ACTR3C: variants seen among roughly 807,000 people sequenced by gnomAD.
ACTR3C encodes the protein actin-related protein 3C.
In ACTR3C, 18 loss-of-function variants were observed where a neutral mutation model predicts 26.3. The ratio of observed to expected loss-of-function variants is 0.68; its 90% CI spans 0.47 to 1.01. The LOEUF (loss-of-function observed/expected upper bound fraction) is 1.01. ACTR3C is among the 50% of genes least tolerant of loss of function. The probability of loss-of-function intolerance (pLI) is 0.00; values close to 1 mark genes in which losing one functional copy is unlikely to be tolerated. For missense variants in ACTR3C, 184 were observed against 250.7 expected, an observed-to-expected ratio of 0.73 and a Z score of 1.80; for synonymous variants, 55 against 94.5, an observed-to-expected ratio of 0.58 and a Z score of 2.42.
intron 1 of ACTR3C, among the ~76,000 whole-genome samples, chr7:150,313,975 G>C (rs527375643): frequency 1.2e-4 from 19 of 152,324 alleles, no homozygotes; most frequent in Middle Eastern, 3.4e-3. Flanking sequence ...TGAACAACTC[G>C]AGGCAGAGGC....
At chr7:150,081,368 G>T in the ACTR3C span, among the ~76,000 whole-genome samples, 2 of 151,586 alleles carry the variant, frequency 1.3e-5, no homozygotes, top group Admixed American at 6.6e-5. Context: ...ATTTGACAGA[G>T]GTGGAAGGGA....
the ACTR3C span, among the ~76,000 whole-genome samples, chr7:149,885,893 C>T: frequency 6.6e-6 from 1 of 152,272 alleles, no homozygotes; most frequent in African/African-American, 2.4e-5. Context: ...CTTAGCAGCT[C>T]AGCTCAGCTT....
At chr7:149,945,320 A>AGGCTGC in the ACTR3C span, among the ~76,000 whole-genome samples, 4 of 138,724 alleles carry the variant, frequency 2.9e-5, no homozygotes, top group Admixed American at 7.4e-5. Context: ...CATCAGTGAC[A>AGGCTGC]ACCTCCCAGC....
the ACTR3C span, among the ~76,000 whole-genome samples, chr7:150,005,439 C>T: frequency 1.3e-4 from 20 of 152,138 alleles, no homozygotes; most frequent in Non-Finnish European, 2.2e-4. Flanking sequence ...AAAATCCTGC[C>T]TTTTCTGAAC....
At chr7:150,097,081 G>T in the ACTR3C span, among the ~76,000 whole-genome samples, 96 of 152,154 alleles carry the variant, frequency 6.3e-4, no homozygotes, top group African/African-American at 2.3e-3. Flanking sequence ...TCTTATTAAA[G>T]ATGAAAATGC....
chr7:150,068,731 C>A, the ACTR3C span, among the ~76,000 whole-genome samples: 2 of 135,148 alleles, frequency 1.5e-5, no homozygotes, highest in Non-Finnish European at 3.0e-5. Flanking sequence ...TGCAGTGAGC[C>A]GAGATTGTGC....
chr7:150,286,058 G>A (rs1835745245), intron 5 of ACTR3C, among the ~76,000 whole-genome samples: 1 of 152,134 alleles, frequency 6.6e-6, no homozygotes, highest in Non-Finnish European at 1.5e-5. Flanking sequence ...GTAGCTACTT[G>A]TAATGCTAGC....
chr7:150,276,963 A>C (rs1834938784), intron 6 of ACTR3C, among the ~76,000 whole-genome samples: 1 of 152,240 alleles, frequency 6.6e-6, no homozygotes, highest in African/African-American at 2.4e-5. Context: ...TGTTGCTGTC[A>C]GGGTGTTTTG....
At chr7:150,148,274 C>T in the ACTR3C span, among the ~76,000 whole-genome samples, 3 of 151,398 alleles carry the variant, frequency 2.0e-5, no homozygotes, top group Non-Finnish European at 4.4e-5. Context: ...GTCAGGAGTT[C>T]GAGACCAGCC....
chr7:150,184,857 C>T, the ACTR3C span, among the ~76,000 whole-genome samples: 5 of 144,996 alleles, frequency 3.4e-5, no homozygotes, highest in African/African-American at 1.4e-4. Context: ...CTTGGTTCTG[C>T]CTGCCTCTAG....
At chr7:149,993,893 T>C in the ACTR3C span, among the ~76,000 whole-genome samples, 1 of 152,132 alleles carries the variant, frequency 6.6e-6, no homozygotes, top group Non-Finnish European at 1.5e-5. Flanking sequence ...GCATGTTGAG[T>C]GGAACATGAC....
the ACTR3C span, among the ~76,000 whole-genome samples, chr7:150,134,999 G>A: frequency 6.6e-6 from 1 of 152,234 alleles, no homozygotes; most frequent in Non-Finnish European, 1.5e-5. Flanking sequence ...AAAATATGAT[G>A]GAAATGGTGC....
At chr7:150,136,587 T>A in the ACTR3C span, among the ~76,000 whole-genome samples, 1 of 151,956 alleles carries the variant, frequency 6.6e-6, no homozygotes, top group Non-Finnish European at 1.5e-5. Flanking sequence ...GGAGAATCAT[T>A]TGAGCCCGGG....
At chr7:149,886,574 A>T in the ACTR3C span, among the ~76,000 whole-genome samples, 1 of 152,244 alleles carries the variant, frequency 6.6e-6, no homozygotes. Context: ...GGCTACAGAA[A>T]TGCAAACAGT....
At chr7:150,019,798 G>A in the ACTR3C span, among the ~76,000 whole-genome samples, 4 of 151,748 alleles carry the variant, frequency 2.6e-5, no homozygotes, top group African/African-American at 7.3e-5. Context: ...GATCCTGCAC[G>A]GTGAGAAGTG....
chr7:150,317,120 C>T (rs1378367476), intron 1 of ACTR3C, among the ~76,000 whole-genome samples: 2 of 151,846 alleles, frequency 1.3e-5, no homozygotes, highest in African/African-American at 2.4e-5. Context: ...GGCGTGATCT[C>T]GGCTCACTGC....
the ACTR3C span, among the ~76,000 whole-genome samples, chr7:150,048,249 G>C: frequency 2.0e-5 from 3 of 152,100 alleles, no homozygotes; most frequent in Non-Finnish European, 4.4e-5. Flanking sequence ...GCACCACCTA[G>C]AAACCCGCAC....
the ACTR3C span, among the ~76,000 whole-genome samples, chr7:150,125,564 ATT>A: frequency 7.0e-6 from 1 of 142,496 alleles, no homozygotes; most frequent in African/African-American, 2.6e-5. Flanking sequence ...AAGTGAAATA[ATT>A]TTTTTTTTAA....
At chr7:149,904,656 C>G in the ACTR3C span, among the ~76,000 whole-genome samples, 2 of 145,452 alleles carry the variant, frequency 1.4e-5, no homozygotes, top group African/African-American at 2.4e-5. Flanking sequence ...AATTCGTATC[C>G]ACGAAAGTCA....
Sources: gnomAD v4.1 joint callset for allele counts (sites outside exome capture counted in the v4.1 genomes callset) on GRCh38, gnomAD v4.1.1 for gene constraint, MANE v1.5 for transcripts, NCBI Gene and HGNC (gene_info 2026-07-23, HGNC 2026-07-21) for gene names.